PHLDB2: variants seen among roughly 807,000 people sequenced by gnomAD.
The protein encoded by PHLDB2 is pleckstrin homology-like domain family B member 2.
In PHLDB2, 71 loss-of-function variants were observed where a neutral mutation model predicts 123.6. That is an observed-to-expected ratio of 0.57 (90% CI 0.47 to 0.70). The LOEUF is 0.70. PHLDB2 is among the 30% of genes least tolerant of loss of function. The probability of loss-of-function intolerance (pLI) is 0.00; values close to 1 mark genes in which losing one functional copy is unlikely to be tolerated. For synonymous variants in PHLDB2, 547 were observed against 541.6 expected, an observed-to-expected ratio of 1.01 and a Z score of -0.14; for missense variants, 1,446 against 1,519.5, an observed-to-expected ratio of 0.95 and a Z score of 0.80.
At chr3:111,906,738 A>G (rs2067561637) in intron 2 of PHLDB2, among the ~76,000 whole-genome samples, 1 of 152,248 alleles carries the variant, frequency 6.6e-6, no homozygotes, top group Admixed American at 6.5e-5. Context: ...AGTAATCTGC[A>G]CATAACAAAT....
chr3:111,884,545 A>G lies in PHLDB2; in HGVS notation c.468A>G (p.Lys156=). The change falls in exon 2 of 18, where the codon AAA becomes AAG. Residue 156 remains lysine (K), a synonymous_variant. Coordinates refer to ENST00000431670, the MANE Select transcript of PHLDB2 (RefSeq NM_001134438.2). ...ATTCCAAATATAGCTCAAGGCATAA[A>G]TCGCATGACAATGTCTACTCTCTTG... ...PPYSKYSSRH[K]SHDNVYSLGG... 1 of 1,614,154 alleles carries G rather than the reference A, an allele frequency of 6.2e-7. No individual in the cohort carries two copies.
At chr3:111,827,634 T>C (rs1158307777) in intron 1 of PHLDB2, among the ~76,000 whole-genome samples, 1 of 146,616 alleles carries the variant, frequency 6.8e-6, no homozygotes, top group Non-Finnish European at 1.5e-5. Context: ...AGATTGGAGA[T>C]TGTGCCATTG....
intron 8 of PHLDB2, among the ~76,000 whole-genome samples, chr3:111,943,813 A>C (rs891479052): frequency 4.6e-5 from 7 of 152,214 alleles, no homozygotes; most frequent in Non-Finnish European, 1.5e-5. Flanking sequence ...GTCCTTTCAC[A>C]GAACTTTATA....
rs377738910 is a variant in PHLDB2, at chr3:111,845,896, G to A, written c.28G>A (p.Val10Met). The change falls in exon 2 of 18, where the codon GTG becomes ATG. Residue 10 changes from valine to methionine, a missense_variant. Physicochemically the swap from Val to Met is conservative, Grantham distance 21 (BLOSUM62 1). Coordinates refer to the PHLDB2 transcript ENST00000393923. ...GGAGGAGGAGGATACCAAGAGAGAG[G>A]TGCCCAAGGAAGATGGAGTTGGTGA... 1 of 1,614,190 alleles carries A rather than the reference G, an allele frequency of 6.2e-7. No homozygotes were observed. Among genetic ancestry groups the A allele is most frequent in the Non-Finnish European group, 8.5e-7 (1 of 1,180,024 alleles).
chr3:111,830,975 A>AAGAG, intron 1 of PHLDB2, among the ~76,000 whole-genome samples: 1 of 45,924 alleles, frequency 2.2e-5, no homozygotes, highest in South Asian at 6.8e-4. Context: ...GAAAGAAAGA[A>AAGAG]AGAAAGAAAG....
rs747790650 is a variant in PHLDB2 at position 111,939,555 on chromosome 3, T to C, written c.2211T>C (p.Asp737=). 2.4e-5 allele frequency: 38 copies of C among 1,613,914 alleles called. No homozygotes were observed. The South Asian group carries it at 4.2e-4, about 18-fold the overall frequency. ...FQQLEHESRL[D]EEKENLTQQL... is the part of the protein sequence containing the mutation. ...AGCTTGAACATGAGAGCCGTCTAGA[T>C]GAAGAAAAGGAGAACTTGACTCAAC... The change falls in exon 7 of 18, where the codon GAT becomes GAC. Residue 737 remains aspartate (D), a synonymous_variant. Transcript: ENST00000431670.
chr3:111,946,984 G>A lies in PHLDB2; in HGVS notation c.2487+1627G>A, dbSNP rs539127513. Among the ~76,000 whole-genome samples the A allele has an allele frequency of 4.6e-5, 7 of 152,284 alleles. No homozygotes were observed. In the South Asian group the frequency reaches 1.0e-3, roughly 23 times the overall value. ...GTAGAGTTGACAGTTCACAGTTCTT[G>A]CTGATAGATTGGATGTTGGGATGAA... On this transcript the variant is annotated intron_variant, in intron 9 of 17. Coordinates refer to ENST00000431670, the MANE Select transcript of PHLDB2 (RefSeq NM_001134438.2).
At chr3:111,890,049 T>C (rs1488873718) in intron 2 of PHLDB2, among the ~76,000 whole-genome samples, 1 of 152,160 alleles carries the variant, frequency 6.6e-6, no homozygotes, top group African/African-American at 2.4e-5. Context: ...ACAAAATATA[T>C]TCCTGATCTG....
At chr3:111,895,873 C>T (rs6779608) in intron 2 of PHLDB2, among the ~76,000 whole-genome samples, 24,751 of 148,562 alleles carry the variant, frequency 0.17, 2,401 homozygotes, top group East Asian at 0.3. Flanking sequence ...TCTATCTATC[C>T]ATCTATCTAT....
chr3:111,935,693 A>C (rs972651046), intron 6 of PHLDB2, among the ~76,000 whole-genome samples: 3 of 149,358 alleles, frequency 2.0e-5, no homozygotes. Context: ...AGCACAGGAG[A>C]AAGATGCAGG....
intron 1 of PHLDB2, among the ~76,000 whole-genome samples, chr3:111,819,416 C>G (rs964684863): frequency 2.0e-5 from 3 of 152,196 alleles, no homozygotes; most frequent in African/African-American, 7.2e-5. Flanking sequence ...GCCACTTAGT[C>G]TTTTTCAAGT....
At chr3:111,867,585 A>T (rs142720884) in intron 1 of PHLDB2, among the ~76,000 whole-genome samples, 1 of 152,192 alleles carries the variant, frequency 6.6e-6, no homozygotes, top group Non-Finnish European at 1.5e-5. Context: ...ATAATTTACA[A>T]TGTAACTCTA....
At chr3:111,896,937 G>A (rs1325672965) in intron 2 of PHLDB2, among the ~76,000 whole-genome samples, 1 of 152,110 alleles carries the variant, frequency 6.6e-6, no homozygotes, top group Non-Finnish European at 1.5e-5. Flanking sequence ...GTAATTCAAA[G>A]GGATCCTGTG....
At chr3:111,885,459 G>C in intron 2 of PHLDB2, 47 bp downstream of exon 2, 3 of 1,612,136 alleles carry the variant, frequency 1.9e-6, no homozygotes, top group Non-Finnish European at 2.5e-6. Flanking sequence ...TCATTAACCA[G>C]CATCTACAGG....
At chr3:111,755,331 C>T (rs917834437) in intron 1 of PHLDB2, among the ~76,000 whole-genome samples, 7 of 146,362 alleles carry the variant, frequency 4.8e-5, no homozygotes, top group African/African-American at 1.8e-4. Flanking sequence ...ATTTCAGAGC[C>T]TGTTATTGGT....
chr3:111,759,454 G>C (rs1357099453), intron 1 of PHLDB2, among the ~76,000 whole-genome samples: 1 of 152,106 alleles, frequency 6.6e-6, no homozygotes, highest in East Asian at 1.9e-4. Flanking sequence ...TTCAATTTAT[G>C]AATTTTGAGG....
At chr3:111,875,639 A>G (rs1307624508) in intron 1 of PHLDB2, among the ~76,000 whole-genome samples, 1 of 151,346 alleles carries the variant, frequency 6.6e-6, no homozygotes, top group Non-Finnish European at 1.5e-5. Flanking sequence ...CTTGGCAAAC[A>G]TGGTGAAACC....
chr3:111,788,015 T>C (rs1364927392), intron 1 of PHLDB2, among the ~76,000 whole-genome samples: 1 of 152,204 alleles, frequency 6.6e-6, no homozygotes, highest in Non-Finnish European at 1.5e-5. Context: ...GGAGCATGAA[T>C]TGGAAACAGG....
chr3:111,937,105 T>C (rs1478367872), intron 6 of PHLDB2, among the ~76,000 whole-genome samples: 1 of 152,242 alleles, frequency 6.6e-6, no homozygotes, highest in African/African-American at 2.4e-5. Flanking sequence ...GAATATGTTT[T>C]TCAAATTGTG....
Sources: gnomAD v4.1 joint callset for allele counts (sites outside exome capture counted in the v4.1 genomes callset) on GRCh38, gnomAD v4.1.1 for gene constraint, MANE v1.5 for transcripts, NCBI Gene and HGNC (gene_info 2026-07-23, HGNC 2026-07-21) for gene names.